Variants in GNPTAB observed in about 807,000 individuals in gnomAD.
GNPTAB encodes the protein N-acetylglucosamine-1-phosphate transferase subunits alpha and beta, also known as N-acetylglucosamine-1-phosphotransferase subunits alpha/beta.
In GNPTAB, 92 loss-of-function variants were observed where a neutral mutation model predicts 136.6. The ratio of observed to expected loss-of-function variants is 0.67; its 90% CI spans 0.57 to 0.80. The LOEUF is 0.80. Among genes scored for constraint, GNPTAB ranks in the 30% least tolerant of loss-of-function variants. GNPTAB has a pLI of 0.00. For missense variants in GNPTAB, 1,343 were observed against 1,501.8 expected (o/e 0.89, Z 1.75); for synonymous variants, 512 against 535.1 (o/e 0.96, Z 0.60).
chr12:101,780,292 A>C lies in GNPTAB; in HGVS notation c.637-6T>G, dbSNP rs750793712. The C allele has an allele frequency of 7.4e-6, 12 of 1,613,846 alleles. No individual in the cohort carries two copies. In the East Asian group the frequency reaches 1.1e-4, roughly 15 times the overall value. On this transcript the variant is annotated splice_region_variant and splice_polypyrimidine_tract_variant and intron_variant, in intron 6 of 20. Coordinates refer to ENST00000299314, the MANE Select transcript of GNPTAB (RefSeq NM_024312.5). ...GGGACTTCTTTATCTGTTGTCTAAA[A>C]TAAGGGGAAAAACATAACTCATTTT... is the stretch of plus-strand genomic sequence containing the variant.
rs1952734822 is a variant in GNPTAB at position 101,746,380 on chromosome 12, C to T, written c.*784G>A. On this transcript the variant is annotated 3_prime_UTR_variant, in exon 21 of 21. Transcript: ENST00000299314. ...CCAGTGCCATCAGCACTACTCATTT[C>T]TAAAATGAGGCACTTCTGTTTGAAT... The T allele has an allele frequency of 6.6e-6, 1 of 152,240 alleles. No individual in the cohort carries two copies. The highest frequency in any genetic ancestry group is 6.5e-5 in the Admixed American group (1 of 15,280). The allele number at this position is 152,240 out of a possible 1,614,324, so 9.4% of individuals were successfully genotyped here.
At chr12:101,806,407 G>C (rs1869936033) in intron 1 of GNPTAB, among the ~76,000 whole-genome samples, 1 of 152,172 alleles carries the variant, frequency 6.6e-6, no homozygotes. Flanking sequence ...AGGAGCTAAA[G>C]GAAGAGATGA....
rs756336336 is a variant in GNPTAB, at chr12:101,761,195, C to A, written c.3067G>T (p.Gly1023Cys). 2 of 1,614,054 alleles carry A rather than the reference C, an allele frequency of 1.2e-6. No homozygotes were observed. The highest frequency in any genetic ancestry group is 1.7e-5 in the Admixed American group (1 of 60,022). Residue 1023 changes from glycine to cysteine, a missense_variant, in exon 15 of 21, where the codon GGT becomes TGT. Physicochemically the swap from Gly to Cys is radical, Grantham distance 159. Coordinates refer to ENST00000299314, the MANE Select transcript of GNPTAB (RefSeq NM_024312.5). ...CGGATTTCTCTGTCAGACAAGACAC[C>A]AGATTGATCTGTATCAACTTCATCA... The part of the protein sequence containing the change: ...VFDEVDTDQS[G>C]VLSDREIRTL...
At chr12:101,762,546 T>C (rs1953015249) in intron 13 of GNPTAB, among the ~76,000 whole-genome samples, 2 of 152,158 alleles carry the variant, frequency 1.3e-5, no homozygotes, top group African/African-American at 2.4e-5. Flanking sequence ...ACACTATTTG[T>C]AATCACAAAA....
chr12:101,811,511 G>A (rs1432206087), intron 1 of GNPTAB, among the ~76,000 whole-genome samples: 1 of 151,896 alleles, frequency 6.6e-6, no homozygotes, highest in African/African-American at 2.4e-5. Context: ...TCTGCAGGAT[G>A]TACAGGAAGC....
rs146476305 is a variant in GNPTAB, at chr12:101,765,055, T to C, written c.1862A>G (p.Asn621Ser). 122 of 1,614,146 alleles carry C rather than the reference T, an allele frequency of 7.6e-5. 1 individual carries two copies. The Middle Eastern group carries it at 9.9e-4, about 13-fold the overall frequency. ...IHFNLTFQNT[N>S]DEEFKMQITV... The stretch of plus-strand genomic sequence containing the variant: ...TATCTGCATTTTGAACTCTTCATCG[T>C]TTGTATTTTGAAACGTGAGATTAAA... Residue 621 changes from asparagine (N) to serine (S), a missense_variant, in exon 13 of 21, where the codon AAC becomes AGC. Asn to Ser is a conservative substitution (Grantham distance 46, BLOSUM62 1). Coordinates refer to ENST00000299314, the MANE Select transcript of GNPTAB (RefSeq NM_024312.5).
chr12:101,820,968 A>C (rs1870760218), intron 1 of GNPTAB, among the ~76,000 whole-genome samples: 1 of 151,470 alleles, frequency 6.6e-6, no homozygotes, highest in Non-Finnish European at 1.5e-5. Flanking sequence ...GAGGCAGGAG[A>C]ATCACTTGAA....
At chr12:101,780,131 C>T (rs757433509) in intron 7 of GNPTAB, 21 bp downstream of exon 7, 2 of 1,608,926 alleles carry the variant, frequency 1.2e-6, no homozygotes, top group South Asian at 1.1e-5. Context: ...AGGCTAATTG[C>T]TCTATTTTCT....
intron 11 of GNPTAB, among the ~76,000 whole-genome samples, chr12:101,767,173 T>C (rs1953106721): frequency 6.6e-6 from 1 of 152,224 alleles, no homozygotes; most frequent in Admixed American, 6.5e-5. Flanking sequence ...ATGGGGATGA[T>C]AACATTTGTG....
chr12:101,761,358 T>C lies in GNPTAB; in HGVS notation c.2916-12A>G, dbSNP rs1952991758. On this transcript the variant is annotated splice_polypyrimidine_tract_variant and intron_variant, in intron 14 of 20. Coordinates refer to ENST00000299314, the MANE Select transcript of GNPTAB (RefSeq NM_024312.5). ...ATTCTTCAGGGAACCTGTCCAAATA[T>C]AACATATTACAAACTCTGGATATTC... 5.6e-6 allele frequency: 9 copies of C among 1,610,172 alleles called. No individual in the cohort carries two copies. Among genetic ancestry groups the C allele is most frequent in the Non-Finnish European group, 7.6e-6 (9 of 1,177,114 alleles).
intron 18 of GNPTAB, chr12:101,756,434 G>A: frequency 2.6e-6 from 1 of 378,842 alleles, no homozygotes; most frequent in Non-Finnish European, 5.2e-6. Context: ...TTTTAGCTGG[G>A]TGCAGCAGCT....
intron 11 of GNPTAB, among the ~76,000 whole-genome samples, chr12:101,766,772 C>T (rs983763417): frequency 2.0e-5 from 3 of 152,128 alleles, no homozygotes; most frequent in Non-Finnish European, 2.9e-5. Flanking sequence ...AGAAAATAAA[C>T]GTAAAAGGGA....
intron 1 of GNPTAB, among the ~76,000 whole-genome samples, chr12:101,797,086 T>C (rs1203900465): frequency 2.0e-5 from 3 of 151,974 alleles, no homozygotes; most frequent in Non-Finnish European, 4.4e-5. Flanking sequence ...GGCCAGCCAG[T>C]TGGAAGAGCA....
chr12:101,802,337 C>T (rs1227042763), intron 1 of GNPTAB, among the ~76,000 whole-genome samples: 1 of 152,156 alleles, frequency 6.6e-6, no homozygotes, highest in Non-Finnish European at 1.5e-5. Context: ...GAACTTCGTG[C>T]CATTGCCAGG....
intron 7 of GNPTAB, among the ~76,000 whole-genome samples, chr12:101,775,886 G>A (rs535295935): frequency 1.3e-5 from 2 of 152,100 alleles, no homozygotes; most frequent in African/African-American, 2.4e-5. Context: ...AGCTTTGAGG[G>A]GGGCAGAGTC....
At chr12:101,778,637 TG>T (rs1256586043) in intron 7 of GNPTAB, 7 of 152,276 alleles carry the variant, frequency 4.6e-5, no homozygotes, top group Admixed American at 1.3e-4. Context: ...CAAGGAGCAG[TG>T]GCTCACGCCT....
chr12:101,791,148 TAAAG>T (rs1002028802), intron 2 of GNPTAB, among the ~76,000 whole-genome samples: 2 of 152,226 alleles, frequency 1.3e-5, no homozygotes, highest in African/African-American at 2.4e-5. Flanking sequence ...GTCCTCATAA[TAAAG>T]AGTCAGGCAG....
intron 1 of GNPTAB, among the ~76,000 whole-genome samples, chr12:101,822,139 C>T (rs1477793398): frequency 2.0e-5 from 3 of 152,186 alleles, no homozygotes; most frequent in African/African-American, 4.8e-5. Context: ...TCTGGCCGGG[C>T]GCGGTGGCTC....
chr12:101,775,942 T>C (rs572674277), intron 7 of GNPTAB, among the ~76,000 whole-genome samples: 1 of 152,284 alleles, frequency 6.6e-6, no homozygotes, highest in Admixed American at 6.5e-5. Flanking sequence ...ACAAACCACC[T>C]GTTCAGTCTT....
Sources: gnomAD v4.1 joint callset for allele counts (sites outside exome capture counted in the v4.1 genomes callset) on GRCh38, gnomAD v4.1.1 for gene constraint, MANE v1.5 for transcripts, NCBI Gene and HGNC (gene_info 2026-07-23, HGNC 2026-07-21) for gene names.